DNAH7: variants seen among roughly 807,000 people sequenced by gnomAD.
DNAH7 encodes axonemal beta dynein heavy chain 7.
A neutral mutation model predicts 444.6 loss-of-function variants in DNAH7; 397 were observed. The observed-to-expected ratio is 0.89, with a 90% confidence interval of 0.82 to 0.97. The LOEUF is 0.97. DNAH7 is among the 50% of genes least tolerant of loss of function. DNAH7 has a pLI of 0.00. For synonymous variants in DNAH7, 1,636 were observed against 1,624.4 expected (o/e 1.01, Z -0.17); for missense variants, 4,902 against 4,800.8 (o/e 1.02, Z -0.62).
chr2:195,738,945 T>C (rs1402150397), intron 64 of DNAH7, among the ~76,000 whole-genome samples: 10 of 152,154 alleles, frequency 6.6e-5, no homozygotes, highest in Non-Finnish European at 1.5e-4. Context: ...CACTTAACTG[T>C]GGAATCCAGA....
Position 195,873,711 on chromosome 2 carries a change from A to AT in DNAH7, c.6287-18dup, listed in dbSNP as rs766394925. The AT allele has an allele frequency of 6.6e-6, 10 of 1,505,018 alleles. No homozygotes were observed. Among genetic ancestry groups the AT allele is most frequent in the Non-Finnish European group, 8.9e-6 (10 of 1,129,234 alleles). The allele number at this position is 1,505,018 out of a possible 1,614,324, so 93.2% of individuals were successfully genotyped here. A position where few individuals can be genotyped will look rare whatever the true frequency, so the allele number is the denominator to read the frequency against. ...GACCACCACCTAAATATTAAAAAGT[A>AT]TAACTCTTAATAATGTTACTAGTAT... On this transcript the variant is annotated splice_polypyrimidine_tract_variant and intron_variant, in intron 38 of 64. Coordinates refer to ENST00000312428, the MANE Select transcript of DNAH7 (RefSeq NM_018897.3).
chr2:195,879,830 T>C (rs1486935353), intron 36 of DNAH7, among the ~76,000 whole-genome samples: 1 of 152,190 alleles, frequency 6.6e-6, no homozygotes, highest in Non-Finnish European at 1.5e-5. Context: ...TATTAAATAT[T>C]GTATTTGTTA....
intron 19 of DNAH7, among the ~76,000 whole-genome samples, chr2:195,937,934 T>C (rs900547172): frequency 1.3e-5 from 2 of 152,302 alleles, no homozygotes; most frequent in East Asian, 1.9e-4. Flanking sequence ...AGGAAATTTA[T>C]ATGAAATTAA....
In DNAH7 at chr2:195,970,085, C is replaced by CA; in HGVS notation, c.2067dup (p.Glu690Ter). ...CTCTCCAATTCCTCCACAAACCGTT[C>CA]ACACCGTAACTAATAAAAACAATTT... is the stretch of plus-strand genomic sequence containing the variant. On this transcript the variant is annotated frameshift_variant, in exon 17 of 65. Coordinates refer to ENST00000312428, the MANE Select transcript of DNAH7 (RefSeq NM_018897.3). LOFTEE classifies it high-confidence loss of function. 1 of 1,598,168 alleles carries CA rather than the reference C, an allele frequency of 6.3e-7. No homozygotes were observed. The highest frequency in any genetic ancestry group is 8.5e-7 in the Non-Finnish European group (1 of 1,175,478).
At chr2:196,055,691 G>A in intron 2 of DNAH7, among the ~76,000 whole-genome samples, 1 of 152,186 alleles carries the variant, frequency 6.6e-6, no homozygotes, top group East Asian at 1.9e-4. Flanking sequence ...ATGACAGAGA[G>A]GAATGGCTCT....
Position 195,960,857 on chromosome 2 carries a change from G to C in DNAH7, c.2294C>G (p.Pro765Arg). The change falls in exon 18 of 65, where the codon CCT becomes CGT. Residue 765 changes from proline (P) to arginine (R), a missense_variant. Pro to Arg is a moderately radical substitution (Grantham distance 103, BLOSUM62 -2). Transcript: ENST00000312428. Reference protein sequence around the residue: ...QRKKIQDGLNPYLRLYETAVE... With the variant: ...QRKKIQDGLNRYLRLYETAVE... The stretch of plus-strand genomic sequence containing the variant: ...AGCAGTTTCATAAAGACGAAGATAA[G>C]GGTTCAAGCCATCTTGGATTTTTTT... 6.2e-7 allele frequency: 1 copy of C among 1,614,096 alleles called. No homozygotes were observed. The highest frequency in any genetic ancestry group is 8.5e-7 in the Non-Finnish European group (1 of 1,180,008).
At position 195,764,139 on chromosome 2, in the gene DNAH7, T is replaced by C. The variant is rs952040998; in HGVS notation, c.11433+7521A>G. Reference sequence around the variant, plus strand: ...AACAGAATGAAGGACAAAAACTGTATAATAATTTCAATTGATACTGAAAAA... The same window carrying C: ...AACAGAATGAAGGACAAAAACTGTACAATAATTTCAATTGATACTGAAAAA... On this transcript the variant is annotated intron_variant, in intron 61 of 64. Transcript: ENST00000312428. Among the ~76,000 whole-genome samples the C allele has an allele frequency of 3.3e-5, 5 of 152,044 alleles. No homozygotes were observed. The East Asian group carries it at 5.8e-4, about 18-fold the overall frequency.
chr2:195,807,077 A>G (rs1383824215), intron 53 of DNAH7, among the ~76,000 whole-genome samples: 1 of 152,174 alleles, frequency 6.6e-6, no homozygotes, highest in Non-Finnish European at 1.5e-5. Flanking sequence ...TAATAAACAG[A>G]CAAAATGATC....
At chr2:195,812,089 C>T (rs1696997843) in intron 51 of DNAH7, among the ~76,000 whole-genome samples, 2 of 152,164 alleles carry the variant, frequency 1.3e-5, no homozygotes, top group African/African-American at 4.8e-5. Context: ...CCTAGACCAG[C>T]AACTCCTCTG....
intron 54 of DNAH7, among the ~76,000 whole-genome samples, chr2:195,806,247 ATAATT>A (rs962948232): frequency 1.3e-5 from 2 of 152,192 alleles, no homozygotes; most frequent in Admixed American, 6.5e-5. Context: ...CACTGGTTAT[ATAATT>A]TATTATTTAA....
chr2:195,878,676 T>C (rs751860435), intron 36 of DNAH7, among the ~76,000 whole-genome samples: 6 of 152,132 alleles, frequency 3.9e-5, no homozygotes, highest in African/African-American at 1.2e-4. Context: ...GCAGTGAGCA[T>C]TGAGGCCATC....
chr2:195,949,188 G>A (rs1420647865), intron 19 of DNAH7, among the ~76,000 whole-genome samples: 1 of 152,038 alleles, frequency 6.6e-6, no homozygotes, highest in African/African-American at 2.4e-5. Context: ...GGAGATTTTG[G>A]GCTGAGACAA....
chr2:195,996,205 C>T (rs574835304), intron 12 of DNAH7, among the ~76,000 whole-genome samples: 8 of 152,328 alleles, frequency 5.3e-5, no homozygotes, highest in Admixed American at 2.0e-4. Context: ...TACTTATTCA[C>T]TGACCTTTGA....
chr2:195,935,730 T>A (rs1451211347), intron 20 of DNAH7, among the ~76,000 whole-genome samples: 1 of 152,096 alleles, frequency 6.6e-6, no homozygotes, highest in Non-Finnish European at 1.5e-5. Flanking sequence ...AGCTGCCTCT[T>A]TAAATATGGT....
chr2:195,740,597 GTGTGTGTGTGTGTGTGTGTATATATA>G (rs1420540824), intron 64 of DNAH7, among the ~76,000 whole-genome samples, 143 bp downstream of exon 64: 1 of 11,834 alleles, frequency 8.5e-5, no homozygotes, highest in African/African-American at 1.1e-4. Flanking sequence ...GTGTGTGTGT[GTGTGTGTGTGTGTGTGTGTATATATA>G]TATATATATA....
At chr2:195,996,241 G>A (rs1461477347) in intron 12 of DNAH7, among the ~76,000 whole-genome samples, 2 of 152,192 alleles carry the variant, frequency 1.3e-5, no homozygotes, top group African/African-American at 4.8e-5. Flanking sequence ...ACAGCAACCA[G>A]AGCAGACTAA....
In DNAH7 at chr2:195,778,033, A is replaced by G. The variant is rs374570306; in HGVS notation, c.10879-48T>C. 5.5e-6 allele frequency: 8 copies of G among 1,443,946 alleles called. No homozygotes were observed. In the Admixed American group the frequency reaches 9.6e-5, roughly 17 times the overall value. 89.4% of individuals were successfully genotyped at this position (1,443,946 alleles called of 1,614,324 possible). A position where few individuals can be genotyped will look rare whatever the true frequency, so the allele number is the denominator to read the frequency against. On this transcript the variant is annotated intron_variant, in intron 58 of 64. Transcript: ENST00000312428. ...ACCAGTTATCAGTAGCATGTTATAC[A>G]GAATCGTGTTTCTTGTTTTTTCCTA...
chr2:195,934,490 T>A, intron 21 of DNAH7, 101 bp downstream of exon 21: 1 of 1,253,756 alleles, frequency 8.0e-7, no homozygotes, highest in Non-Finnish European at 1.1e-6. Flanking sequence ...ATTCCATGCC[T>A]CCATTTCTGT....
At chr2:196,048,461 C>T in intron 3 of DNAH7, 57 bp from the exon 4 acceptor site, 1 of 1,416,984 alleles carries the variant, frequency 7.1e-7, no homozygotes, top group African/African-American at 1.4e-5. Context: ...AACCTTTTTC[C>T]ATGAAATGCA....
Sources: allele counts gnomAD v4.1 joint callset (sites outside exome capture counted in the v4.1 genomes callset), GRCh38; gene constraint gnomAD v4.1.1; transcripts MANE v1.5; gene names NCBI Gene and HGNC (gene_info 2026-07-23, HGNC 2026-07-21).